Variants in CAMKV observed in about 807,000 individuals in gnomAD.
The protein encoded by CAMKV is CaM kinase like vesicle associated, also known as caM kinase-like vesicle-associated protein.
In CAMKV, 5 loss-of-function variants were observed where a neutral mutation model predicts 50.2. The observed-to-expected ratio is 0.10, with a 90% confidence interval of 0.05 to 0.21. The LOEUF (loss-of-function observed/expected upper bound fraction) is 0.21. Ranked by LOEUF, CAMKV falls within the 10% of genes least tolerant of loss-of-function variation. The probability of loss-of-function intolerance (pLI) is 1.00; values close to 1 mark genes in which losing one functional copy is unlikely to be tolerated. For synonymous variants in CAMKV, 229 were observed against 250.1 expected, an observed-to-expected ratio of 0.92 and a Z score of 0.80; for missense variants, 361 against 650.5, an observed-to-expected ratio of 0.55 and a Z score of 4.84.
rs1039915323 is a variant in CAMKV, at chr3:49,862,929, G to T, written c.-14-527C>A. 6.6e-6 allele frequency among the ~76,000 whole-genome samples: 1 copy of T among 152,200 alleles called. No homozygotes were observed. The highest frequency in any genetic ancestry group is 2.4e-5 in the African/African-American group (1 of 41,450). ...CACTCCTAAATACGTGCCTACAGAA[G>T]TGCACATATTCGTGCATCAGGACAG... On this transcript the variant is annotated intron_variant, in intron 1 of 10. Transcript: ENST00000477224. This position sits in a 1 kb window ranked among gnomAD's most constrained non-coding sequence, Gnocchi z 5.2.
In CAMKV at chr3:49,859,164, T is replaced by C. The variant is rs2081999419; in HGVS notation, c.*154A>G. On this transcript the variant is annotated 3_prime_UTR_variant, in exon 11 of 11. Transcript: ENST00000477224. This position sits in a 1 kb window ranked among gnomAD's most constrained non-coding sequence, Gnocchi z 5.5. ...CACACATACACACAGGAGACGAGAC[T>C]GCTCTCCCGTGACCCCTAGTTATGC... 1 of 665,438 alleles carries C rather than the reference T, an allele frequency of 1.5e-6. No homozygotes were observed. Among genetic ancestry groups the C allele is most frequent in the Non-Finnish European group, 2.5e-6 (1 of 404,402 alleles). The allele number at this position is 665,438 out of a possible 1,614,324, so 41.2% of individuals were successfully genotyped here.
chr3:49,859,272 C>T lies in CAMKV; in HGVS notation c.*46G>A. 1.4e-6 allele frequency: 2 copies of T among 1,465,372 alleles called. No individual in the cohort carries two copies. Among genetic ancestry groups the T allele is most frequent in the Non-Finnish European group, 1.8e-6 (2 of 1,098,214 alleles). 90.8% of individuals were successfully genotyped at this position (1,465,372 alleles called of 1,614,324 possible). On this transcript the variant is annotated 3_prime_UTR_variant, in exon 11 of 11. Transcript: ENST00000477224. This position sits in a 1 kb window ranked among gnomAD's most constrained non-coding sequence, Gnocchi z 5.5. Reference sequence around the variant, plus strand: ...CAGTGAGAAGCCCCTCATCCACTCTCCCACCCTCCTGCCCATCCCCTGCCC... The same window carrying T: ...CAGTGAGAAGCCCCTCATCCACTCTTCCACCCTCCTGCCCATCCCCTGCCC...
rs1344999906 is a variant in CAMKV, at chr3:49,861,321, G to A, written c.442-21C>T. The A allele has an allele frequency of 6.2e-7, 1 of 1,614,118 alleles. No individual in the cohort carries two copies. Among genetic ancestry groups the A allele is most frequent in the Non-Finnish European group, 8.5e-7 (1 of 1,180,040 alleles). ...TCCAGCTGTGGTGTGAGAATAGCAT[G>A]TGGGTGAGCAGAAGACACCATGAGG... On this transcript the variant is annotated intron_variant, in intron 5 of 10. Coordinates refer to ENST00000477224, the MANE Select transcript of CAMKV (RefSeq NM_024046.5). The surrounding 1 kb of genome is among the most constrained non-coding windows in gnomAD (Gnocchi z 7.7).
chr3:49,859,726 A>T lies in CAMKV; in HGVS notation c.1098T>A (p.Pro366=). The T allele has an allele frequency of 6.3e-7, 1 of 1,596,842 alleles. No individual in the cohort carries two copies. ...AAAASGATSA[P]EGDAARAAKS... is the part of the protein sequence containing the mutation. ...TTGCAGCACGAGCAGCATCACCCTCAGGGGCTGAGGTAGCTCCACTCGCAG... is the reference window on the plus strand; with the variant it reads ...TTGCAGCACGAGCAGCATCACCCTCTGGGGCTGAGGTAGCTCCACTCGCAG... The change falls in exon 11 of 11, where the codon CCT becomes CCA. Residue 366 remains proline (P), a synonymous_variant. Coordinates refer to ENST00000477224, the MANE Select transcript of CAMKV (RefSeq NM_024046.5). This position sits in a 1 kb window ranked among gnomAD's most constrained non-coding sequence, Gnocchi z 5.5.
At chr3:49,866,524 G>T (rs551223286) in intron 1 of CAMKV, among the ~76,000 whole-genome samples, 2 of 152,300 alleles carry the variant, frequency 1.3e-5, no homozygotes, top group Non-Finnish European at 2.9e-5. Context: ...TGGAGACATG[G>T]CTCCCTCCAC....
Position 49,860,434 on chromosome 3 carries a change from C to T in CAMKV, c.854+37G>A. The T allele has an allele frequency of 6.2e-7, 1 of 1,600,506 alleles. No homozygotes were observed. The highest frequency in any genetic ancestry group is 8.5e-7 in the Non-Finnish European group (1 of 1,170,018). ...ATGGGGCTGCTGGGTGTGAGGGGGA[C>T]CCTGGCCTCTCCCACCCTCCCCTGG... On this transcript the variant is annotated intron_variant, in intron 9 of 10. Transcript: ENST00000477224. This position sits in a 1 kb window ranked among gnomAD's most constrained non-coding sequence, Gnocchi z 6.1.
In CAMKV at chr3:49,861,690, G is replaced by T; in HGVS notation, c.302+101C>A. 1 of 1,593,168 alleles carries T rather than the reference G, an allele frequency of 6.3e-7. No individual in the cohort carries two copies. Among genetic ancestry groups the T allele is most frequent in the African/African-American group, 1.3e-5 (1 of 74,474 alleles). ...GGCTGAGCAAGGCACAGGGACCTGG[G>T]ACGCCAAGGGTCCAGAAAGGGGGTT... is the stretch of plus-strand genomic sequence containing the variant. On this transcript the variant is annotated intron_variant, in intron 4 of 10. Coordinates refer to ENST00000477224, the MANE Select transcript of CAMKV (RefSeq NM_024046.5). The surrounding 1 kb of genome is among the most constrained non-coding windows in gnomAD (Gnocchi z 7.7).
chr3:49,859,152 A>G lies in CAMKV; in HGVS notation c.*166T>C. 1.7e-6 allele frequency: 1 copy of G among 603,994 alleles called. No homozygotes were observed. Among genetic ancestry groups the G allele is most frequent in the East Asian group, 2.8e-5 (1 of 35,382 alleles). 37.4% of individuals were successfully genotyped at this position (603,994 alleles called of 1,614,324 possible). On this transcript the variant is annotated 3_prime_UTR_variant, in exon 11 of 11. Coordinates refer to ENST00000477224, the MANE Select transcript of CAMKV (RefSeq NM_024046.5). This position sits in a 1 kb window ranked among gnomAD's most constrained non-coding sequence, Gnocchi z 5.5. ...GCCCACCACTCACACACATACACAC[A>G]GGAGACGAGACTGCTCTCCCGTGAC...
Position 49,862,377 on chromosome 3 carries a change from C to T in CAMKV, c.12G>A (p.Gly4=). The change falls in exon 2 of 11, where the codon GGG becomes GGA. Residue 4 remains glycine (G), a synonymous_variant. Transcript: ENST00000477224. This position sits in a 1 kb window ranked among gnomAD's most constrained non-coding sequence, Gnocchi z 5.2. ...TCTTCTTGTCGCCCAGAGTCACACA[C>T]CCAAACGGCATTGCCAGGCTCTAAC... MPF[G]CVTLGDKKNY... 1 of 1,614,166 alleles carries T rather than the reference C, an allele frequency of 6.2e-7. No individual in the cohort carries two copies. Among genetic ancestry groups the T allele is most frequent in the Non-Finnish European group, 8.5e-7 (1 of 1,180,008 alleles).
rs1176759665 is a variant in CAMKV at position 49,861,483 on chromosome 3, C to T, written c.397G>A (p.Val133Met). Reference sequence around the variant, plus strand: ...ATCTTGAGTGAGTGCAAATAGGCCACGGCCTCCAGGACTTGCCGTACCACG... The same window carrying T: ...ATCTTGAGTGAGTGCAAATAGGCCATGGCCTCCAGGACTTGCCGTACCACG... Reference protein sequence around the residue: ...SNVVRQVLEAVAYLHSLKIVH... With the variant: ...SNVVRQVLEAMAYLHSLKIVH... Residue 133 changes from valine to methionine, a missense_variant, in exon 5 of 11, where the codon GTG becomes ATG. Physicochemically the swap from Val to Met is conservative, Grantham distance 21. Around this residue, in one of 4 missense-constraint regions of CAMKV, gnomAD observed 172 missense variants for 414.3 expected, o/e 0.42. Transcript: ENST00000477224. This position sits in a 1 kb window ranked among gnomAD's most constrained non-coding sequence, Gnocchi z 7.7. 4 of 1,614,080 alleles carry T rather than the reference C, an allele frequency of 2.5e-6. No homozygotes were observed. The highest frequency in any genetic ancestry group is 3.4e-6 in the Non-Finnish European group (4 of 1,180,044).
In CAMKV at chr3:49,861,253, G is replaced by A; in HGVS notation, c.489C>T (p.Val163=). The change falls in exon 6 of 11, where the codon GTC becomes GTT. Residue 163 remains valine, a synonymous_variant. Transcript: ENST00000477224. This position sits in a 1 kb window ranked among gnomAD's most constrained non-coding sequence, Gnocchi z 7.7. ...YYNRLKNSKI[V]ISDFHLAKLE... ...GCTTAGCCAGATGGAAGTCACTGAT[G>A]ACAATCTTCGAGTTCTTCAGCCGGT... The A allele has an allele frequency of 6.2e-7, 1 of 1,613,944 alleles. No individual in the cohort carries two copies. The highest frequency in any genetic ancestry group is 8.5e-7 in the Non-Finnish European group (1 of 1,179,958).
rs1322525332 is a variant in CAMKV at position 49,862,524 on chromosome 3, G to A, written c.-14-122C>T. Reference sequence around the variant, plus strand: ...GCTAGGGGCAGAGACCATACCAGGAGGGGCTAGAGGATAGGCAGGCTTAGA... The same window carrying A: ...GCTAGGGGCAGAGACCATACCAGGAAGGGCTAGAGGATAGGCAGGCTTAGA... On this transcript the variant is annotated intron_variant, in intron 1 of 10. Transcript: ENST00000477224. The surrounding 1 kb of genome is among the most constrained non-coding windows in gnomAD (Gnocchi z 5.2). 1.3e-6 allele frequency: 1 copy of A among 784,660 alleles called. No homozygotes were observed. Among genetic ancestry groups the A allele is most frequent in the African/African-American group, 1.7e-5 (1 of 59,002 alleles). The allele number at this position is 784,660 out of a possible 1,614,324, so 48.6% of individuals were successfully genotyped here. A position where few individuals can be genotyped will look rare whatever the true frequency, so the allele number is the denominator to read the frequency against.
At chr3:49,868,022 G>A (rs1190694293) in intron 1 of CAMKV, among the ~76,000 whole-genome samples, 1 of 152,174 alleles carries the variant, frequency 6.6e-6, no homozygotes, top group Non-Finnish European at 1.5e-5. Flanking sequence ...CTTGGTGTAG[G>A]AGGCACAGCC....
Position 49,861,679 on chromosome 3 carries a change from C to T in CAMKV, c.303-102G>A. The T allele has an allele frequency of 1.3e-6, 2 of 1,598,698 alleles. No individual in the cohort carries two copies. The highest frequency in any genetic ancestry group is 8.6e-7 in the Non-Finnish European group (1 of 1,168,726). ...GCCAGGCAGCTGGCTGAGCAAGGCA[C>T]AGGGACCTGGGACGCCAAGGGTCCA... is the stretch of plus-strand genomic sequence containing the variant. On this transcript the variant is annotated intron_variant, in intron 4 of 10. Transcript: ENST00000477224. The surrounding 1 kb of genome is among the most constrained non-coding windows in gnomAD (Gnocchi z 7.7).
Position 49,859,439 on chromosome 3 carries a change from G to A in CAMKV, c.1385C>T (p.Pro462Leu), listed in dbSNP as rs199527105. Residue 462 changes from proline (P) to leucine (L), a missense_variant, in exon 11 of 11, where the codon CCG becomes CTG. Around this residue, in one of 4 missense-constraint regions of CAMKV, gnomAD observed 75 missense variants for 84.2 expected, o/e 0.89. Transcript: ENST00000477224. The surrounding 1 kb of genome is among the most constrained non-coding windows in gnomAD (Gnocchi z 5.5). ...LATKAAATPE[P>L]AMAQPDSTAP... ...TGTGCTGTCCGGCTGGGCCATAGCC[G>A]GCTCAGGGGTGGCAGCTGCCTTGGT... The A allele has an allele frequency of 1.8e-5, 29 of 1,613,430 alleles. No individual in the cohort carries two copies. The highest frequency in any genetic ancestry group is 1.3e-4 in the Admixed American group (8 of 60,016).
rs757259460 is a variant in CAMKV at position 49,860,892 on chromosome 3, A to G, written c.639-40T>C. The stretch of plus-strand genomic sequence containing the variant: ...GGTCACACAGAAAGGCCACAGACAC[A>G]TGCCCCCACCCCATCTGACTGCAAG... On this transcript the variant is annotated intron_variant, in intron 7 of 10. Transcript: ENST00000477224. This position sits in a 1 kb window ranked among gnomAD's most constrained non-coding sequence, Gnocchi z 6.1. 9.3e-6 allele frequency: 15 copies of G among 1,613,694 alleles called. No individual in the cohort carries two copies. The highest frequency in any genetic ancestry group is 1.3e-5 in the Non-Finnish European group (15 of 1,179,832).
Position 49,859,240 on chromosome 3 carries a change from CTA to C in CAMKV, c.*76_*77del. On this transcript the variant is annotated 3_prime_UTR_variant, in exon 11 of 11. Coordinates refer to ENST00000477224, the MANE Select transcript of CAMKV (RefSeq NM_024046.5). The surrounding 1 kb of genome is among the most constrained non-coding windows in gnomAD (Gnocchi z 5.5). The stretch of plus-strand genomic sequence containing the variant: ...GAGCGAGGGCATCATGCCAGTGACT[CTA>C]TGTACAGTGAGAAGCCCCTCATCCA... 7.7e-7 allele frequency: 1 copy of C among 1,301,356 alleles called. No homozygotes were observed. Among genetic ancestry groups the C allele is most frequent in the East Asian group, 2.3e-5 (1 of 43,048 alleles). 80.6% of individuals were successfully genotyped at this position (1,301,356 alleles called of 1,614,324 possible).
In CAMKV at chr3:49,861,421, C is replaced by T. The variant is rs375719989; in HGVS notation, c.441+18G>A. Reference sequence around the variant, plus strand: ...GCCCAGCTGCCAACTGGCCCTTTGACTCTGGCTCTGCCCTCACCTTGAGAT... The same window carrying T: ...GCCCAGCTGCCAACTGGCCCTTTGATTCTGGCTCTGCCCTCACCTTGAGAT... On this transcript the variant is annotated intron_variant, in intron 5 of 10. Coordinates refer to ENST00000477224, the MANE Select transcript of CAMKV (RefSeq NM_024046.5). The surrounding 1 kb of genome is among the most constrained non-coding windows in gnomAD (Gnocchi z 7.7). The T allele has an allele frequency of 5.0e-6, 8 of 1,613,868 alleles. No individual in the cohort carries two copies. Among genetic ancestry groups the T allele is most frequent in the African/African-American group, 2.7e-5 (2 of 74,938 alleles).
chr3:49,860,447 C>T lies in CAMKV; in HGVS notation c.854+24G>A. 6.2e-7 allele frequency: 1 copy of T among 1,610,714 alleles called. No homozygotes were observed. Among genetic ancestry groups the T allele is most frequent in the Non-Finnish European group, 8.5e-7 (1 of 1,178,328 alleles). ...GTGTGAGGGGGACCCTGGCCTCTCC[C>T]ACCCTCCCCTGGACCCTGCTCACCA... On this transcript the variant is annotated intron_variant, in intron 9 of 10. Coordinates refer to ENST00000477224, the MANE Select transcript of CAMKV (RefSeq NM_024046.5). The surrounding 1 kb of genome is among the most constrained non-coding windows in gnomAD (Gnocchi z 6.1).
Sources: allele counts gnomAD v4.1 joint callset (sites outside exome capture counted in the v4.1 genomes callset), GRCh38; gene constraint gnomAD v4.1.1; regional missense constraint gnomAD v4.1.1; non-coding constraint Gnocchi (gnomAD v3.1); transcripts MANE v1.5; gene names NCBI Gene and HGNC (gene_info 2026-07-23, HGNC 2026-07-21).